The following SIMC1 variants were observed in gnomAD, a reference collection of about 807,000 sequenced individuals.
The protein encoded by SIMC1 is SUMO-interacting motif-containing protein 1.
Under a neutral mutation model 82.3 loss-of-function variants are expected in SIMC1, and 55 were observed. The observed-to-expected ratio is 0.67, with a 90% CI of 0.54 to 0.84. The LOEUF (loss-of-function observed/expected upper bound fraction) is 0.84, where lower values mean the gene tolerates loss of function less well. SIMC1 is among the 40% of genes least tolerant of loss of function. The pLI is 0.00. For synonymous variants in SIMC1, 353 were observed against 426.3 expected (o/e 0.83, Z 2.12); for missense variants, 915 against 1,107.2 (o/e 0.83, Z 2.46).
chr5:176,327,399 C>A (rs1408895737), intron 7 of SIMC1, among the ~76,000 whole-genome samples: 1 of 152,172 alleles, frequency 6.6e-6, no homozygotes, highest in Non-Finnish European at 1.5e-5. Flanking sequence ...AATGCATATA[C>A]CTTCTTGACC....
At chr5:176,271,404 C>G (rs1762422668) in intron 1 of SIMC1, among the ~76,000 whole-genome samples, 1 of 152,046 alleles carries the variant, frequency 6.6e-6, no homozygotes. Context: ...GACCTATATC[C>G]AGTAAAGAAA....
chr5:176,311,125 A>G (rs988497996), intron 4 of SIMC1, among the ~76,000 whole-genome samples: 11 of 152,198 alleles, frequency 7.2e-5, no homozygotes, highest in African/African-American at 1.9e-4. Flanking sequence ...GGTAATGGAA[A>G]TGTTCTAAAA....
At position 176,313,792 on chromosome 5, in the gene SIMC1, G is replaced by A. The variant is rs1410260136; in HGVS notation, c.1836G>A (p.Gln612=). The A allele has an allele frequency of 6.2e-7, 1 of 1,613,954 alleles. No homozygotes were observed. The highest frequency in any genetic ancestry group is 2.2e-5 in the East Asian group (1 of 44,878). The change falls in exon 5 of 10, where the codon CAG becomes CAA. Residue 612 remains glutamine (Q), a synonymous_variant. Transcript: ENST00000429602. ...QTLRRQRQHL[Q]QSIANMVLSC... ...TGAGGAGGCAACGGCAGCACCTGCAGCAATCCATTGCAAACATGGTGCTTT... is the reference window on the plus strand; with the variant it reads ...TGAGGAGGCAACGGCAGCACCTGCAACAATCCATTGCAAACATGGTGCTTT...
rs1766010659 is a variant in SIMC1 at position 176,338,791 on chromosome 5, AC to A, written c.2413+1646del. On this transcript the variant is annotated intron_variant, in intron 9 of 9. Coordinates refer to ENST00000429602, the MANE Select transcript of SIMC1 (RefSeq NM_001308195.2). ...AGGAATTGAGAAAGCTGTTGTAGAG[AC>A]TTTAAAAAAAAAAAAAAAGTACTGG... Among the ~76,000 whole-genome samples the A allele has an allele frequency of 8.4e-5, 7 of 83,052 alleles. No individual in the cohort carries two copies. In the South Asian group the frequency reaches 2.4e-3, roughly 28 times the overall value. The allele number at this position is 83,052 out of a possible 152,430, so 54.5% of individuals were successfully genotyped here.
intron 9 of SIMC1, among the ~76,000 whole-genome samples, chr5:176,344,573 A>G (rs1024409680): frequency 5.3e-5 from 8 of 152,218 alleles, no homozygotes; most frequent in African/African-American, 1.9e-4. Flanking sequence ...TACAGGAGGC[A>G]TAGTGGCCTT....
chr5:176,258,308 GTAT>G (rs1432388269), intron 1 of SIMC1, among the ~76,000 whole-genome samples: 1 of 151,498 alleles, frequency 6.6e-6, no homozygotes, highest in Non-Finnish European at 1.5e-5. Flanking sequence ...GAGGTAGGTA[GTAT>G]TATTATCCCT....
intron 1 of SIMC1, among the ~76,000 whole-genome samples, chr5:176,244,652 A>G (rs4242199): frequency 0.73 from 110,808 of 150,874 alleles, 40,871 homozygotes; most frequent in Middle Eastern, 0.84. Flanking sequence ...GTATGTGTGC[A>G]AATTCCCTAT....
At chr5:176,336,177 C>T (rs535652586) in intron 7 of SIMC1, among the ~76,000 whole-genome samples, 55 of 152,150 alleles carry the variant, frequency 3.6e-4, no homozygotes, top group Non-Finnish European at 7.1e-4. Flanking sequence ...TTTTGCCCCT[C>T]GTAGACCACT....
intron 1 of SIMC1, among the ~76,000 whole-genome samples, chr5:176,252,300 C>T (rs539084763): frequency 2.6e-4 from 40 of 151,972 alleles, no homozygotes; most frequent in African/African-American, 8.7e-4. Flanking sequence ...TGGTGGCTGC[C>T]GGGCGGAGAC....
At chr5:176,269,747 A>T (rs531444527) in intron 1 of SIMC1, among the ~76,000 whole-genome samples, 1 of 152,062 alleles carries the variant, frequency 6.6e-6, no homozygotes, top group Non-Finnish European at 1.5e-5. Flanking sequence ...ATAAACATGC[A>T]AATTTTTTTT....
rs541992923 is a variant in SIMC1, at chr5:176,306,649, C to G, written c.1735-7042C>G. 3.6e-3 allele frequency among the ~76,000 whole-genome samples: 544 copies of G among 151,670 alleles called. 3 individuals carry two copies. Among genetic ancestry groups the G allele is most frequent in the African/African-American group, 0.012 (516 of 41,424 alleles). The stretch of plus-strand genomic sequence containing the variant: ...TGCTCTCTGAAACATGTGCTGTGTC[C>G]ACTCAGGGTTAAAAGGATTAAGGGC... On this transcript the variant is annotated intron_variant, in intron 4 of 9. Transcript: ENST00000429602.
rs530828030 is a variant in SIMC1 at position 176,294,829 on chromosome 5, G to A, written c.1432-201G>A. 5.2e-6 allele frequency: 3 copies of A among 578,532 alleles called. No individual in the cohort carries two copies. The Admixed American group carries it at 1.0e-4, about 20-fold the overall frequency. The allele number at this position is 578,532 out of a possible 1,614,324, so 35.8% of individuals were successfully genotyped here. A position where few individuals can be genotyped will look rare whatever the true frequency, so the allele number is the denominator to read the frequency against. On this transcript the variant is annotated intron_variant, in intron 2 of 9. Transcript: ENST00000429602. ...TACAAAAGAAAATTAGCCGGGCGTG[G>A]TGGTGGGCGCCTGTAGTCCCAGCTA...
chr5:176,309,598 C>A (rs1452587374), intron 4 of SIMC1, among the ~76,000 whole-genome samples: 1 of 152,134 alleles, frequency 6.6e-6, no homozygotes, highest in Non-Finnish European at 1.5e-5. Context: ...AATGAATTTG[C>A]AAACCATATA....
At chr5:176,308,318 G>A in intron 4 of SIMC1, 1 of 1,473,518 alleles carries the variant, frequency 6.8e-7, no homozygotes, top group Middle Eastern at 1.7e-4. Context: ...GTTCTGATAA[G>A]AGGAAGGACC....
chr5:176,279,736 G>A (rs1366560282), intron 1 of SIMC1, among the ~76,000 whole-genome samples: 5 of 151,296 alleles, frequency 3.3e-5, no homozygotes, highest in Admixed American at 6.6e-5. Context: ...TATGTACCCA[G>A]TAGTCATTCA....
chr5:176,310,529 C>T (rs887867875), intron 4 of SIMC1, among the ~76,000 whole-genome samples: 4 of 151,808 alleles, frequency 2.6e-5, no homozygotes, highest in Non-Finnish European at 5.9e-5. Context: ...TTATGGTGAA[C>T]AAAAAAAGCC....
intron 1 of SIMC1, among the ~76,000 whole-genome samples, chr5:176,260,613 GA>G (rs34163833): frequency 1.5e-3 from 227 of 151,564 alleles, no homozygotes; most frequent in African/African-American, 5.1e-3. Flanking sequence ...GTTAAAAAAG[GA>G]AAAAAAATGT....
At chr5:176,339,881 A>G (rs1029022301) in intron 9 of SIMC1, among the ~76,000 whole-genome samples, 4 of 152,298 alleles carry the variant, frequency 2.6e-5, no homozygotes, top group African/African-American at 4.8e-5. Context: ...GTACCCAGCA[A>G]TAGTCAGCGT....
intron 1 of SIMC1, among the ~76,000 whole-genome samples, chr5:176,255,444 G>A (rs531975943): frequency 2.0e-5 from 3 of 152,060 alleles, no homozygotes; most frequent in South Asian, 2.1e-4. Flanking sequence ...TGAGCTGGGT[G>A]TAGTGGCGCA....
Sources: gnomAD v4.1 joint callset for allele counts (sites outside exome capture counted in the v4.1 genomes callset) on GRCh38, gnomAD v4.1.1 for gene constraint, MANE v1.5 for transcripts, NCBI Gene and HGNC (gene_info 2026-07-23, HGNC 2026-07-21) for gene names.